AFF3: variants seen among roughly 807,000 people sequenced by gnomAD.
AFF3 encodes ALF transcription elongation factor 3.
Under a neutral mutation model 129.7 loss-of-function variants are expected in AFF3, and 32 were observed. The observed-to-expected ratio is 0.25, with a 90% CI of 0.19 to 0.33. AFF3 has a LOEUF of 0.33. Among genes scored for constraint, AFF3 ranks in the 10% least tolerant of loss-of-function variants. The pLI, the probability that AFF3 is intolerant of heterozygous loss-of-function variation, is 1.00. For synonymous variants in AFF3, 644 were observed against 635.4 expected (o/e 1.01, Z -0.20); for missense variants, 1,373 against 1,592.0 (o/e 0.86, Z 2.34).
chr2:99,859,507 ATGAATATGC>A (rs1002572583), intron 7 of AFF3, among the ~76,000 whole-genome samples: 5 of 152,198 alleles, frequency 3.3e-5, no homozygotes, highest in Admixed American at 3.3e-4. Context: ...ACCCTGATTT[ATGAATATGC>A]TAACTAACCA....
At chr2:100,028,246 G>C (rs1366381034) in intron 4 of AFF3, among the ~76,000 whole-genome samples, 1 of 152,070 alleles carries the variant, frequency 6.6e-6, no homozygotes, top group Non-Finnish European at 1.5e-5. Flanking sequence ...GTATTTTGTA[G>C]AACATTTTCA....
chr2:99,603,997 A>T (rs919635514), intron 13 of AFF3, among the ~76,000 whole-genome samples: 2 of 152,204 alleles, frequency 1.3e-5, no homozygotes, highest in African/African-American at 4.8e-5. Flanking sequence ...GAGGTTGTGG[A>T]GAAAAAGGAA....
chr2:99,676,427 C>T (rs184620130), intron 11 of AFF3, among the ~76,000 whole-genome samples: 15 of 152,242 alleles, frequency 9.9e-5, no homozygotes, highest in Admixed American at 4.6e-4. Context: ...GTCACACTGC[C>T]CAGGAAGAAT....
At chr2:100,020,878 C>A (rs1476289818) in intron 4 of AFF3, among the ~76,000 whole-genome samples, 2 of 152,218 alleles carry the variant, frequency 1.3e-5, no homozygotes, top group Non-Finnish European at 2.9e-5. Context: ...CGTTCCTCCC[C>A]CGTCAAGCCA....
chr2:99,723,820 C>T (rs969954277), intron 11 of AFF3, among the ~76,000 whole-genome samples: 12 of 152,108 alleles, frequency 7.9e-5, no homozygotes, highest in South Asian at 2.1e-4. Context: ...GTTAAAATGA[C>T]GTCATTAGGG....
intron 4 of AFF3, among the ~76,000 whole-genome samples, chr2:100,012,832 G>C (rs1299876380): frequency 6.6e-6 from 1 of 152,154 alleles, no homozygotes; most frequent in Non-Finnish European, 1.5e-5. Context: ...AAAATGTGTT[G>C]CACGTTATGA....
intron 7 of AFF3, among the ~76,000 whole-genome samples, chr2:99,887,706 T>C (rs1282112375): frequency 2.0e-5 from 3 of 152,250 alleles, no homozygotes; most frequent in African/African-American, 7.2e-5. Context: ...TACTTATCAT[T>C]AAACTACGCT....
At chr2:99,827,752 T>A (rs1688202003) in intron 8 of AFF3, among the ~76,000 whole-genome samples, 1 of 151,722 alleles carries the variant, frequency 6.6e-6, no homozygotes, top group Admixed American at 6.6e-5. Context: ...GAGAATGAGA[T>A]GCCAGCAGAG....
intron 8 of AFF3, among the ~76,000 whole-genome samples, chr2:99,785,823 C>T (rs1258959455): frequency 6.6e-6 from 1 of 152,184 alleles, no homozygotes; most frequent in East Asian, 1.9e-4. Flanking sequence ...TCTCAGCTCA[C>T]TGCAACCTCA....
At chr2:100,021,414 G>T (rs1374008281) in intron 4 of AFF3, among the ~76,000 whole-genome samples, 1 of 152,044 alleles carries the variant, frequency 6.6e-6, no homozygotes, top group African/African-American at 2.4e-5. Flanking sequence ...GTAAATGAAC[G>T]TTTGTTTCAT....
intron 13 of AFF3, among the ~76,000 whole-genome samples, chr2:99,648,913 A>ACTCTCTCTCTCTCTCTCTCTCTCTCT (rs1558695739): frequency 2.9e-5 from 1 of 34,650 alleles, no homozygotes; most frequent in Non-Finnish European, 7.1e-5. Flanking sequence ...ACACACACAC[A>ACTCTCTCTCTCTCTCTCTCTCTCTCT]CACACTCTCT....
At chr2:99,967,694 G>T (rs770567262) in intron 7 of AFF3, among the ~76,000 whole-genome samples, 1 of 152,136 alleles carries the variant, frequency 6.6e-6, no homozygotes. Context: ...TCCTTAAACA[G>T]CAAAGAAACT....
intron 11 of AFF3, among the ~76,000 whole-genome samples, chr2:99,718,712 G>A (rs1456362102): frequency 1.3e-5 from 2 of 151,840 alleles, no homozygotes; most frequent in African/African-American, 2.4e-5. Context: ...GAAGTGCTTG[G>A]AAATTCACTA....
intron 4 of AFF3, among the ~76,000 whole-genome samples, chr2:100,016,962 T>A (rs546545310): frequency 6.6e-6 from 1 of 151,508 alleles, no homozygotes; most frequent in South Asian, 2.1e-4. Context: ...ATGGTGGTGA[T>A]GATGGTGGTA....
At chr2:100,090,862 T>C (rs565970415) in intron 4 of AFF3, among the ~76,000 whole-genome samples, 1 of 152,110 alleles carries the variant, frequency 6.6e-6, no homozygotes, top group Non-Finnish European at 1.5e-5. Flanking sequence ...TTTTTAAATT[T>C]TGTATTTTTA....
chr2:99,588,183 T>C (rs942396902), intron 15 of AFF3, among the ~76,000 whole-genome samples: 5 of 152,074 alleles, frequency 3.3e-5, no homozygotes, highest in African/African-American at 1.2e-4. Context: ...GGTTTAATTT[T>C]ATTTGTTTAT....
intron 11 of AFF3, among the ~76,000 whole-genome samples, chr2:99,694,263 A>G (rs1342750891): frequency 6.6e-6 from 1 of 152,208 alleles, no homozygotes; most frequent in African/African-American, 2.4e-5. Flanking sequence ...TTAGACGTTC[A>G]AAGGATTTTA....
chr2:100,003,110 G>A (rs189045024), intron 7 of AFF3, among the ~76,000 whole-genome samples: 5 of 149,942 alleles, frequency 3.3e-5, no homozygotes, highest in Non-Finnish European at 5.9e-5. Context: ...GTTGGGGGTC[G>A]GGGGGGTGGG....
At chr2:99,737,542 T>C (rs1680356449) in intron 10 of AFF3, among the ~76,000 whole-genome samples, 1 of 152,144 alleles carries the variant, frequency 6.6e-6, no homozygotes, top group Non-Finnish European at 1.5e-5. Context: ...ACTGATGCTG[T>C]TGTGAAGTCA....
Sources: allele counts gnomAD v4.1 joint callset (sites outside exome capture counted in the v4.1 genomes callset), GRCh38; gene constraint gnomAD v4.1.1; transcripts MANE v1.5; gene names NCBI Gene and HGNC (gene_info 2026-07-23, HGNC 2026-07-21).